Variants in OPA1 observed in about 807,000 individuals in gnomAD.
OPA1 encodes OPA1 mitochondrial dynamin like GTPase, also known as dynamin-like GTPase OPA1, mitochondrial.
In OPA1, 59 loss-of-function variants were observed where a neutral mutation model predicts 152.9. The ratio of observed to expected loss-of-function variants is 0.39; its 90% confidence interval spans 0.31 to 0.48. OPA1 has a LOEUF of 0.48. Among genes scored for constraint, OPA1 ranks in the 20% least tolerant of loss-of-function variants. The pLI is 0.96. For synonymous variants in OPA1, 400 were observed against 389.9 expected, an observed-to-expected ratio of 1.03 and a Z score of -0.31; for missense variants, 1,008 against 1,216.8, an observed-to-expected ratio of 0.83 and a Z score of 2.55.
chr3:193,626,248 G>T, intron 7 of OPA1, 46 bp downstream of exon 7: 1 of 1,309,696 alleles, frequency 7.6e-7, no homozygotes, highest in Non-Finnish European at 1.1e-6. Context: ...ACACTAATCA[G>T]CCATTTCTGC....
At chr3:193,683,843 G>A (rs78434196) in intron 29 of OPA1, among the ~76,000 whole-genome samples, 10 of 152,112 alleles carry the variant, frequency 6.6e-5, no homozygotes, top group Admixed American at 3.9e-4. Context: ...TAAACGCACC[G>A]GAAAACCAAA....
At chr3:193,631,534 C>T (rs1225433096) in intron 7 of OPA1, 78 bp from the exon 8 acceptor site, 4 of 1,040,438 alleles carry the variant, frequency 3.8e-6, no homozygotes, top group Non-Finnish European at 3.0e-6. Context: ...ACTCTCAATA[C>T]TTATCAAAAA....
At position 193,665,143 on chromosome 3, in the gene OPA1, C is replaced by T. The variant is rs751483999; in HGVS notation, c.2778+147C>T. On this transcript the variant is annotated intron_variant, in intron 27 of 30. Transcript: ENST00000361510. The stretch of plus-strand genomic sequence containing the variant: ...GTGTAATTTATAAAGAATAATCTAA[C>T]TCTTATATTTTCAAAGATATTTGCC... 14 of 609,022 alleles carry T rather than the reference C, an allele frequency of 2.3e-5. No individual in the cohort carries two copies. The Admixed American group carries it at 4.1e-4, about 18-fold the overall frequency. The allele number at this position is 609,022 out of a possible 1,614,324, so 37.7% of individuals were successfully genotyped here.
At chr3:193,621,466 C>T (rs1282744453) in intron 6 of OPA1, among the ~76,000 whole-genome samples, 2 of 152,194 alleles carry the variant, frequency 1.3e-5, no homozygotes, top group Non-Finnish European at 1.5e-5. Context: ...AAAAAGTCTA[C>T]AGAAAGCATA....
At chr3:193,648,350 CAA>C in intron 20 of OPA1, 1 of 475,188 alleles carries the variant, frequency 2.1e-6, no homozygotes, top group South Asian at 2.7e-5. Flanking sequence ...GATGTCAAAA[CAA>C]GTGTTGAAAG....
intron 29 of OPA1, among the ~76,000 whole-genome samples, chr3:193,669,413 G>A (rs1031171878): frequency 1.3e-5 from 2 of 152,104 alleles, no homozygotes; most frequent in Non-Finnish European, 2.9e-5. Context: ...TTGTGCTAAC[G>A]TAGAAGATTA....
chr3:193,682,988 A>G (rs1033900517), intron 29 of OPA1, among the ~76,000 whole-genome samples: 6 of 150,396 alleles, frequency 4.0e-5, no homozygotes, highest in Non-Finnish European at 8.9e-5. Flanking sequence ...GATTTAGGAG[A>G]AAAAAAAAGG....
At chr3:193,679,573 A>AATC (rs1415628329) in intron 29 of OPA1, among the ~76,000 whole-genome samples, 7 of 152,216 alleles carry the variant, frequency 4.6e-5, no homozygotes, top group Non-Finnish European at 4.4e-5. Context: ...AGCTGGGGCT[A>AATC]ATCATATGTG....
chr3:193,607,084 C>T (rs1454507364), intron 1 of OPA1, among the ~76,000 whole-genome samples: 1 of 152,194 alleles, frequency 6.6e-6, no homozygotes, highest in Non-Finnish European at 1.5e-5. Flanking sequence ...AGTGTCTGTT[C>T]ATATCCTTCA....
Position 193,659,034 on chromosome 3 carries a change from G to GTGGTGAAGGAGTCA in OPA1, c.2440+41_2440+54dup, listed in dbSNP as rs747406788. The GTGGTGAAGGAGTCA allele has an allele frequency of 5.1e-6, 7 of 1,365,512 alleles. No homozygotes were observed. In the South Asian group the frequency reaches 8.1e-5, roughly 16 times the overall value. 84.6% of individuals were successfully genotyped at this position (1,365,512 alleles called of 1,614,324 possible). On this transcript the variant is annotated intron_variant, in intron 24 of 30. Coordinates refer to ENST00000361510, the MANE Select transcript of OPA1 (RefSeq NM_130837.3). ...CGGCTTATTGAGTTCTGAGTTCACA[G>GTGGTGAAGGAGTCA]TGGTGAAGGAGTCATCCAACTTTAG... is the stretch of plus-strand genomic sequence containing the variant.
intron 29 of OPA1, chr3:193,668,981 G>A (rs1207138268): frequency 2.2e-6 from 1 of 459,410 alleles, no homozygotes; most frequent in Non-Finnish European, 2.9e-6. Context: ...TCAGCTTCGT[G>A]TAACAAAGTA....
chr3:193,653,301 T>G (rs1335341472), intron 21 of OPA1, among the ~76,000 whole-genome samples: 3 of 152,214 alleles, frequency 2.0e-5, no homozygotes, highest in African/African-American at 4.8e-5. Flanking sequence ...TTCAGTAGAC[T>G]TAATTTTACA....
intron 1 of OPA1, among the ~76,000 whole-genome samples, chr3:193,611,468 ACGCCTGTAGT>A (rs1728225945): frequency 6.6e-6 from 1 of 151,972 alleles, no homozygotes; most frequent in African/African-American, 2.4e-5. Context: ...ATGGTGGCAC[ACGCCTGTAGT>A]CGCAGCTACT....
In OPA1 at chr3:193,664,900, A is replaced by G. The variant is rs1716168283; in HGVS notation, c.2682A>G (p.Gln894=). The G allele has an allele frequency of 6.3e-7, 1 of 1,591,154 alleles. No homozygotes were observed. Residue 894 remains glutamine, a synonymous_variant, in exon 27 of 31, where the codon CAA becomes CAG. Transcript: ENST00000361510. The part of the protein sequence containing the change: ...DPSLIKDTWH[Q]VYRRHFLKTA... The stretch of plus-strand genomic sequence containing the variant: ...TTTAGATTAAGGATACTTGGCATCA[A>G]GTTTATAGAAGACATTTTTTAAAAA...
intron 27 of OPA1, among the ~76,000 whole-genome samples, 160 bp downstream of exon 27, chr3:193,665,156 A>G (rs1716228718): frequency 6.6e-6 from 1 of 152,076 alleles, no homozygotes; most frequent in Admixed American, 6.5e-5. Context: ...TTATATTTTC[A>G]AAGATATTTG....
chr3:193,687,789 A>G (rs533322546), intron 29 of OPA1, among the ~76,000 whole-genome samples: 2 of 152,238 alleles, frequency 1.3e-5, no homozygotes, highest in African/African-American at 4.8e-5. Flanking sequence ...TTTATGAGAA[A>G]TAATTCTGCT....
rs766448341 is a variant in OPA1, at chr3:193,688,449, C to CTTTTTTTTTTTTT, written c.2984-3579_2984-3567dup. ...TGATTTTTACTGAAATGGGTCTTTT[C>CTTTTTTTTTTTTT]TTTTTTTTTTTTTTTTTTTTTTTTT... On this transcript the variant is annotated intron_variant, in intron 29 of 30. Coordinates refer to ENST00000361510, the MANE Select transcript of OPA1 (RefSeq NM_130837.3). 3.0e-4 allele frequency among the ~76,000 whole-genome samples: 19 copies of CTTTTTTTTTTTTT among 63,346 alleles called. 3 individuals are homozygous for CTTTTTTTTTTTTT. Among genetic ancestry groups the CTTTTTTTTTTTTT allele is most frequent in the Non-Finnish European group, 3.6e-4 (11 of 30,296 alleles). 41.6% of individuals were successfully genotyped at this position (63,346 alleles called of 152,430 possible). A position where few individuals can be genotyped will look rare whatever the true frequency, so the allele number is the denominator to read the frequency against.
intron 8 of OPA1, among the ~76,000 whole-genome samples, chr3:193,632,924 G>A (rs184502457): frequency 7.2e-5 from 11 of 152,268 alleles, no homozygotes; most frequent in Admixed American, 5.9e-4. Flanking sequence ...AAAGTGAAAC[G>A]ACTACAAGTT....
At position 193,617,783 on chromosome 3, in the gene OPA1, G is replaced by T; in HGVS notation, c.557-1G>T. 1 of 1,609,152 alleles carries T rather than the reference G, an allele frequency of 6.2e-7. No homozygotes were observed. Among genetic ancestry groups the T allele is most frequent in the South Asian group, 1.1e-5 (1 of 90,922 alleles). On this transcript the variant is annotated splice_acceptor_variant, in intron 4 of 30. Transcript: ENST00000361510. LOFTEE classifies it high-confidence loss of function. The stretch of plus-strand genomic sequence containing the variant: ...TTTCCCCTTTTGCTGATTTTTCACA[G>T]GTCACAAATTGGTTAGTGAAGTCAT...
Sources: gnomAD v4.1 joint callset for allele counts (sites outside exome capture counted in the v4.1 genomes callset) on GRCh38, gnomAD v4.1.1 for gene constraint, MANE v1.5 for transcripts, NCBI Gene and HGNC (gene_info 2026-07-23, HGNC 2026-07-21) for gene names.